RHBDD3: variants seen among roughly 807,000 people sequenced by gnomAD.
The protein encoded by RHBDD3 is rhomboid domain-containing protein 3.
RHBDD3 carries 34 observed loss-of-function variants against 32.3 expected under a neutral mutation model. The observed-to-expected ratio is 1.05, with a 90% CI of 0.80 to 1.40. The LOEUF is 1.40. Among genes scored for constraint, RHBDD3 ranks in the 40% most tolerant of loss-of-function variants. The pLI, the probability that RHBDD3 is intolerant of heterozygous loss-of-function variation, is 0.00. For synonymous variants in RHBDD3, 249 were observed against 239.1 expected (o/e 1.04, Z -0.38); for missense variants, 482 against 492.6 (o/e 0.98, Z 0.20).
chr22:29,265,780 G>T, intron 2 of RHBDD3, 112 bp from the exon 3 acceptor site: 2 of 1,111,286 alleles, frequency 1.8e-6, no homozygotes, highest in Non-Finnish European at 2.4e-6. Context: ...ACAGGCTGGA[G>T]ACGCAGGCCC....
At position 29,265,486 on chromosome 22, in the gene RHBDD3, G is replaced by A. The variant is rs1207616773; in HGVS notation, c.141C>T (p.Pro47=). Residue 47 remains proline (P), a synonymous_variant, in exon 3 of 7, where the codon CCC becomes CCT. Coordinates refer to ENST00000216085, the MANE Select transcript of RHBDD3 (RefSeq NM_012265.3). ...CACGTGGCTGGCCCTCACCCTGCCA[G>A]GGGTCCAGCAACAGCTCCGGGGCCA... ...LVLAPELLLD[P]WQVHRLLTHA... The A allele has an allele frequency of 6.5e-7, 1 of 1,531,286 alleles. No homozygotes were observed. Among genetic ancestry groups the A allele is most frequent in the East Asian group, 2.5e-5 (1 of 39,436 alleles). The allele number at this position is 1,531,286 out of a possible 1,614,324, so 94.9% of individuals were successfully genotyped here.
In RHBDD3 at chr22:29,263,836, G is replaced by C. The variant is rs2058146290; in HGVS notation, c.531C>G (p.Ala177=). The C allele has an allele frequency of 3.3e-6, 5 of 1,529,302 alleles. No homozygotes were observed. Among genetic ancestry groups the C allele is most frequent in the Non-Finnish European group, 4.4e-6 (5 of 1,133,112 alleles). 94.7% of individuals were successfully genotyped at this position (1,529,302 alleles called of 1,614,324 possible). The change falls in exon 4 of 7, where the codon GCC becomes GCG. Residue 177 remains alanine, a splice_region_variant and synonymous_variant. Transcript: ENST00000216085. ...QLLCGLLAGL[A]YAAGAFRWLE... Reference sequence around the variant, plus strand: ...GCCCTGGGCTCAGGCAAAGGATACAGGCCAGGCCGGCAAGGAGGCCGCAAA... The same window carrying C: ...GCCCTGGGCTCAGGCAAAGGATACACGCCAGGCCGGCAAGGAGGCCGCAAA...
intron 2 of RHBDD3, among the ~76,000 whole-genome samples, chr22:29,266,967 T>C (rs2058209588): frequency 6.6e-6 from 1 of 152,214 alleles, no homozygotes; most frequent in Non-Finnish European, 1.5e-5. Context: ...ATGGATCTTA[T>C]CCTTAGGAGC....
intron 4 of RHBDD3, among the ~76,000 whole-genome samples, chr22:29,262,937 A>G (rs1170475403): frequency 6.8e-6 from 1 of 147,732 alleles, no homozygotes; most frequent in African/African-American, 2.5e-5. Context: ...GTGCAGTGGC[A>G]TGTTCTCGGC....
Position 29,260,313 on chromosome 22 carries a change from C to A in RHBDD3, c.983+13G>T. 6.2e-7 allele frequency: 1 copy of A among 1,606,518 alleles called. No individual in the cohort carries two copies. Among genetic ancestry groups the A allele is most frequent in the Non-Finnish European group, 8.5e-7 (1 of 1,175,980 alleles). ...TATACCAGGGGACCCCACCTCTGCC[C>A]ACCCCACCTTACCGCAGAGAGGAGA... is the stretch of plus-strand genomic sequence containing the variant. On this transcript the variant is annotated intron_variant, in intron 6 of 6. Transcript: ENST00000216085.
intron 4 of RHBDD3, among the ~76,000 whole-genome samples, chr22:29,261,652 CTTAT>C (rs112252047): frequency 2.2e-4 from 34 of 152,120 alleles, no homozygotes; most frequent in South Asian, 6.2e-4. Context: ...TCTAGCACGA[CTTAT>C]TTATTTATTT....
At position 29,267,540 on chromosome 22, in the gene RHBDD3, CAG is replaced by C. The variant is rs1375015303; in HGVS notation, c.-159_-158del. On this transcript the variant is annotated 5_prime_UTR_variant, in exon 2 of 7. Coordinates refer to ENST00000216085, the MANE Select transcript of RHBDD3 (RefSeq NM_012265.3). ...GGTTCGAACTCAGCTGGTGACTTTG[CAG>C]AGATACTCAATTTCCTTGGGCCTCA... The C allele has an allele frequency of 6.5e-6, 1 of 152,838 alleles. No individual in the cohort carries two copies. Among genetic ancestry groups the C allele is most frequent in the African/African-American group, 2.4e-5 (1 of 41,462 alleles). 9.5% of individuals were successfully genotyped at this position (152,838 alleles called of 1,614,324 possible).
intron 4 of RHBDD3, among the ~76,000 whole-genome samples, chr22:29,263,306 G>A (rs1347389508): frequency 6.6e-6 from 1 of 152,226 alleles, no homozygotes; most frequent in Admixed American, 6.5e-5. Context: ...GCCTCCCAAA[G>A]TGTTGGGATT....
In RHBDD3 at chr22:29,263,932, C is replaced by T. The variant is rs764360890; in HGVS notation, c.435G>A (p.Pro145=). The change falls in exon 4 of 7, where the codon CCG becomes CCA. Residue 145 remains proline, a synonymous_variant. Coordinates refer to ENST00000216085, the MANE Select transcript of RHBDD3 (RefSeq NM_012265.3). ...CAAGCAGCAGCCACGGCGACAGCCACGGTGGCAGTGCCCCACGGGGCCGTC... is the reference window on the plus strand; with the variant it reads ...CAAGCAGCAGCCACGGCGACAGCCATGGTGGCAGTGCCCCACGGGGCCGTC... The part of the protein sequence containing the change: ...RPRRPRGALP[P]WLSPWLLLAL... The T allele has an allele frequency of 9.0e-6, 14 of 1,550,126 alleles. No individual in the cohort carries two copies. The highest frequency in any genetic ancestry group is 1.0e-5 in the Non-Finnish European group (12 of 1,147,064).
chr22:29,261,215 G>C, intron 4 of RHBDD3: 1 of 526,134 alleles, frequency 1.9e-6, no homozygotes, highest in Non-Finnish European at 3.8e-6. Flanking sequence ...ATTGCCTTCA[G>C]ACAGGCCTGG....
rs75890789 is a variant in RHBDD3, at chr22:29,264,364, G to A, written c.149-146C>T. 3,671 of 1,430,950 alleles carry A rather than the reference G, an allele frequency of 2.6e-3. 103 individuals carry two copies. The African/African-American group carries it at 0.049, about 19-fold the overall frequency. The allele number at this position is 1,430,950 out of a possible 1,614,324, so 88.6% of individuals were successfully genotyped here. ...CCAGGAGCCAGTCTTCCCACAGCCA[G>A]CACTTAATCATTGGTGGAAGGGACC... is the stretch of plus-strand genomic sequence containing the variant. On this transcript the variant is annotated intron_variant, in intron 3 of 6. Transcript: ENST00000216085.
At chr22:29,263,693 A>G (rs2058144737) in intron 4 of RHBDD3, 142 bp downstream of exon 4, 1 of 1,375,680 alleles carries the variant, frequency 7.3e-7, no homozygotes, top group Non-Finnish European at 9.5e-7. Context: ...TCCCAGAGGA[A>G]GACTCAGAGA....
Position 29,267,055 on chromosome 22 carries a change from G to A in RHBDD3, c.-43+371C>T, listed in dbSNP as rs193123946. On this transcript the variant is annotated intron_variant, in intron 2 of 6. Coordinates refer to ENST00000216085, the MANE Select transcript of RHBDD3 (RefSeq NM_012265.3). ...CTGATCCAACCCCACATTCCCCAGG[G>A]TATTCACAGCACACAGCCAGTGCTT... Among the ~76,000 whole-genome samples the A allele has an allele frequency of 4.7e-3, 714 of 152,314 alleles. 3 individuals carry two copies. The highest frequency in any genetic ancestry group is 0.025 in the South Asian group (123 of 4,826).
At position 29,265,663 on chromosome 22, in the gene RHBDD3, T is replaced by C. The variant is rs182492320; in HGVS notation, c.-37A>G. ...GGACGGTCAAGGGTGGTCCTGGGGC[T>C]GTGTGCTGGGGATAAAAGAAAACAA... On this transcript the variant is annotated 5_prime_UTR_variant, in exon 3 of 7. Coordinates refer to ENST00000216085, the MANE Select transcript of RHBDD3 (RefSeq NM_012265.3). The C allele has an allele frequency of 3.9e-6, 6 of 1,551,142 alleles. No individual in the cohort carries two copies. The East Asian group carries it at 1.5e-4, about 38-fold the overall frequency.
chr22:29,261,455 G>A (rs1372633613), intron 4 of RHBDD3: 4 of 416,142 alleles, frequency 9.6e-6, no homozygotes, highest in East Asian at 7.1e-5. Context: ...TTAGCTGGAC[G>A]TGGCAGTGCA....
At chr22:29,264,353 T>C (rs993460182) in intron 3 of RHBDD3, 135 bp from the exon 4 acceptor site, 91 of 1,432,274 alleles carry the variant, frequency 6.4e-5, no homozygotes, top group Admixed American at 2.1e-4. Flanking sequence ...GAGCCAGTCT[T>C]CCCACAGCCA....
chr22:29,268,045 C>G, upstream of RHBDD3: 1 of 556,650 alleles, frequency 1.8e-6, no homozygotes, highest in Non-Finnish European at 3.2e-6. Flanking sequence ...ACAGCCTAGT[C>G]TCGTGCTGAG....
At chr22:29,262,774 T>A (rs1292422609) in intron 4 of RHBDD3, among the ~76,000 whole-genome samples, 1 of 152,250 alleles carries the variant, frequency 6.6e-6, no homozygotes, top group Non-Finnish European at 1.5e-5. Flanking sequence ...CAGCGCTATC[T>A]TGGCTCACTG....
intron 2 of RHBDD3, 27 bp downstream of exon 2, chr22:29,267,399 G>A (rs544398896): frequency 3.3e-5 from 5 of 152,942 alleles, no homozygotes; most frequent in African/African-American, 1.2e-4. Flanking sequence ...TATGAAACGG[G>A]GCAGTGCACC....
Sources: gnomAD v4.1 joint callset for allele counts (sites outside exome capture counted in the v4.1 genomes callset) on GRCh38, gnomAD v4.1.1 for gene constraint, MANE v1.5 for transcripts, NCBI Gene and HGNC (gene_info 2026-07-23, HGNC 2026-07-21) for gene names.